AKT3: variants seen among roughly 807,000 people sequenced by gnomAD.
AKT3 encodes the protein AKT serine/threonine kinase 3.
AKT3 carries 15 observed loss-of-function variants against 65.3 expected under a neutral mutation model. The observed-to-expected ratio is 0.23, with a 90% CI of 0.15 to 0.35. The LOEUF is 0.35. AKT3 is among the 10% of genes least tolerant of loss of function. AKT3 has a pLI of 1.00. For missense variants in AKT3, 243 were observed against 576.5 expected (o/e 0.42, Z 5.92); for synonymous variants, 206 against 183.8 (o/e 1.12, Z -0.98).
At chr1:243,726,369 G>A (rs1199653263) in intron 2 of AKT3, among the ~76,000 whole-genome samples, 2 of 152,094 alleles carry the variant, frequency 1.3e-5, no homozygotes, top group East Asian at 3.8e-4. Flanking sequence ...AAAAAGTTGT[G>A]GGGTTAATAT....
At chr1:243,750,938 G>GA (rs962741262) in intron 2 of AKT3, among the ~76,000 whole-genome samples, 2 of 151,562 alleles carry the variant, frequency 1.3e-5, no homozygotes, top group African/African-American at 4.8e-5. Context: ...TTTTTTAAAA[G>GA]AAAAAAAACT....
At chr1:243,755,874 T>C (rs1163508345) in intron 2 of AKT3, among the ~76,000 whole-genome samples, 1 of 152,220 alleles carries the variant, frequency 6.6e-6, no homozygotes, top group African/African-American at 2.4e-5. Flanking sequence ...CTTTCTTTTC[T>C]TAAGTATTTA....
At chr1:243,817,690 A>G (rs1010458606) in intron 2 of AKT3, among the ~76,000 whole-genome samples, 1 of 152,248 alleles carries the variant, frequency 6.6e-6, no homozygotes, top group African/African-American at 2.4e-5. Context: ...CAGTGAGCCA[A>G]GATCGTGCCA....
chr1:243,850,249 A>C, upstream of AKT3: 1 of 91,588 alleles, frequency 1.1e-5, no homozygotes, highest in Non-Finnish European at 2.2e-5. Flanking sequence ...GCTGCAGGGG[A>C]GGGAGGGAGG....
intron 2 of AKT3, among the ~76,000 whole-genome samples, chr1:243,823,507 A>G (rs1398993102): frequency 2.8e-4 from 43 of 152,218 alleles, no homozygotes; most frequent in Admixed American, 2.8e-3. Context: ...ACATGACCCT[A>G]TATCTGGAAA....
intron 8 of AKT3, among the ~76,000 whole-genome samples, chr1:243,573,655 G>T (rs1674724258): frequency 6.6e-6 from 1 of 152,038 alleles, no homozygotes; most frequent in Non-Finnish European, 1.5e-5. Flanking sequence ...AATGAACTGA[G>T]AAACATCCAT....
intron 2 of AKT3, among the ~76,000 whole-genome samples, chr1:243,838,989 A>G (rs1333066445): frequency 6.6e-6 from 1 of 152,296 alleles, no homozygotes; most frequent in East Asian, 1.9e-4. Flanking sequence ...TAGATTTATG[A>G]CAATCTCAAA....
chr1:243,658,407 C>T (rs1038721485), intron 4 of AKT3, among the ~76,000 whole-genome samples: 8 of 152,052 alleles, frequency 5.3e-5, no homozygotes, highest in Admixed American at 3.9e-4. Flanking sequence ...GATGAAATAT[C>T]ACCTTACACC....
At position 243,811,442 on chromosome 1, in the gene AKT3, A is replaced by T. The variant is rs1339227412; in HGVS notation, c.46+31683T>A. ...ACGATTGCTTCAAAGAGAATAAAAT[A>T]CCTAGGAATCCAACTTACAAGGGAT... On this transcript the variant is annotated intron_variant, in intron 2 of 13. Transcript: ENST00000673466. Among the ~76,000 whole-genome samples the T allele has an allele frequency of 2.0e-5, 3 of 152,176 alleles. No homozygotes were observed. The South Asian group carries it at 6.2e-4, about 31-fold the overall frequency.
intron 7 of AKT3, among the ~76,000 whole-genome samples, chr1:243,614,446 A>G (rs1678138450): frequency 1.3e-5 from 2 of 152,158 alleles, no homozygotes; most frequent in Admixed American, 1.3e-4. Context: ...AAACTTTACC[A>G]ATTATCCCTA....
chr1:243,622,700 T>C (rs945896292), intron 6 of AKT3, among the ~76,000 whole-genome samples: 2 of 152,152 alleles, frequency 1.3e-5, no homozygotes, highest in Admixed American at 1.3e-4. Context: ...GAAATCATAC[T>C]CCCAATAGAA....
At chr1:243,598,539 A>G (rs1457632285) in intron 8 of AKT3, among the ~76,000 whole-genome samples, 1 of 152,206 alleles carries the variant, frequency 6.6e-6, no homozygotes, top group African/African-American at 2.4e-5. Flanking sequence ...ATAGCCTAAC[A>G]GGAACTGCAC....
chr1:243,839,908 T>C (rs575162860), intron 2 of AKT3, among the ~76,000 whole-genome samples: 27 of 144,416 alleles, frequency 1.9e-4, no homozygotes, highest in Non-Finnish European at 4.1e-4. Context: ...AAGGTCCGGG[T>C]GCGGTGGCTC....
At chr1:243,794,990 T>C (rs1691864042) in intron 2 of AKT3, among the ~76,000 whole-genome samples, 1 of 152,216 alleles carries the variant, frequency 6.6e-6, no homozygotes, top group Non-Finnish European at 1.5e-5. Flanking sequence ...TCTGCTTTTA[T>C]ATGTGTTCAC....
chr1:243,824,582 A>C (rs1694051578), intron 2 of AKT3, among the ~76,000 whole-genome samples: 1 of 152,218 alleles, frequency 6.6e-6, no homozygotes, highest in Admixed American at 6.5e-5. Context: ...TTCATTCGAA[A>C]GTGGGCAAAG....
At position 243,739,357 on chromosome 1, in the gene AKT3, C is replaced by G. The variant is rs1371959851; in HGVS notation, c.47-43641G>C. Among the ~76,000 whole-genome samples the G allele has an allele frequency of 2.0e-5, 3 of 152,078 alleles. No individual in the cohort carries two copies. In the East Asian group the frequency reaches 5.8e-4, roughly 29 times the overall value. On this transcript the variant is annotated intron_variant, in intron 2 of 13. Transcript: ENST00000673466. ...TCAAAATCCAGTGTGAATTTTACAC[C>G]TATAATATAGGTCAATTCGCACTCT...
At chr1:243,779,181 TACAC>T (rs1690752134) in intron 2 of AKT3, among the ~76,000 whole-genome samples, 1 of 152,164 alleles carries the variant, frequency 6.6e-6, no homozygotes, top group African/African-American at 2.4e-5. Flanking sequence ...CGTTTGCTGT[TACAC>T]ACAATAGTTG....
At chr1:243,833,839 C>T (rs1047543069) in intron 2 of AKT3, among the ~76,000 whole-genome samples, 27 of 151,434 alleles carry the variant, frequency 1.8e-4, no homozygotes, top group African/African-American at 5.1e-4. Context: ...GTGGGAGGAT[C>T]GCTTGAGGCC....
intron 2 of AKT3, chr1:243,788,942 T>C (rs558027338): frequency 6.4e-6 from 1 of 156,108 alleles, no homozygotes; most frequent in African/African-American, 2.4e-5. Context: ...TTTGAGTTAA[T>C]CCTCTCACAT....
Sources: allele counts gnomAD v4.1 joint callset (sites outside exome capture counted in the v4.1 genomes callset), GRCh38; gene constraint gnomAD v4.1.1; transcripts MANE v1.5; gene names NCBI Gene and HGNC (gene_info 2026-07-23, HGNC 2026-07-21).